Variants in GABRA3 observed in about 807,000 individuals in gnomAD.
GABRA3 encodes gamma-aminobutyric acid receptor subunit alpha-3.
Under a neutral mutation model 30.1 loss-of-function variants are expected in GABRA3, and 10 were observed. That is an observed-to-expected ratio of 0.33 (90% CI 0.20 to 0.56). GABRA3 has a LOEUF of 0.56. Ranked by LOEUF, GABRA3 falls within the 20% of genes least tolerant of loss-of-function variation. The probability of loss-of-function intolerance (pLI) is 0.89; values close to 1 mark genes in which losing one functional copy is unlikely to be tolerated. For synonymous variants in GABRA3, 151 were observed against 146.8 expected (o/e 1.03, Z -0.21); for missense variants, 233 against 392.0 (o/e 0.59, Z 3.42).
intron 6 of GABRA3, among the ~76,000 whole-genome samples, chrX:152,221,933 A>T (rs1299139427): frequency 9.0e-6 from 1 of 111,584 alleles, no homozygotes; most frequent in Non-Finnish European, 1.9e-5. Context: ...ATGTGTTCTC[A>T]TCATTTAGCG....
At chrX:152,247,604 C>T (rs1938479856) in intron 5 of GABRA3, among the ~76,000 whole-genome samples, 1 of 111,524 alleles carries the variant, frequency 9.0e-6, no homozygotes, top group African/African-American at 3.3e-5. Context: ...GAAAACACTT[C>T]ACAGAATGCC....
At chrX:152,359,221 G>C (rs1283445492) in intron 2 of GABRA3, among the ~76,000 whole-genome samples, 1 of 110,978 alleles carries the variant, frequency 9.0e-6, no homozygotes, top group Non-Finnish European at 1.9e-5. Flanking sequence ...TTTTTTTACT[G>C]ATTCAATTTT....
chrX:152,233,152 G>GT (rs758406892), intron 5 of GABRA3, among the ~76,000 whole-genome samples: 9,586 of 107,459 alleles, frequency 0.089, 1,054 homozygotes, highest in East Asian at 0.3. Flanking sequence ...TGATGGGGTT[G>GT]TTTGTTTTTT....
intron 2 of GABRA3, among the ~76,000 whole-genome samples, chrX:152,360,523 A>T (rs2124491536): frequency 1.3e-5 from 1 of 75,982 alleles, no homozygotes; most frequent in South Asian, 8.3e-4. Flanking sequence ...CAGGAAGGGG[A>T]ATATCACACT....
Position 152,167,104 on chromosome X carries a change from C to T in GABRA3, c.*1124G>A, listed in dbSNP as rs1263449151. ...TTTATTTGTATGAATTTCCAATTCACCCCTCATAGAATCGGCATCAACAGA... is the reference window on the plus strand; with the variant it reads ...TTTATTTGTATGAATTTCCAATTCATCCCTCATAGAATCGGCATCAACAGA... On this transcript the variant is annotated 3_prime_UTR_variant, in exon 10 of 10. Coordinates refer to ENST00000370314, the MANE Select transcript of GABRA3 (RefSeq NM_000808.4). 1.8e-5 allele frequency: 2 copies of T among 111,599 alleles called. No individual in the cohort carries two copies. The highest frequency in any genetic ancestry group is 3.8e-5 in the Non-Finnish European group (2 of 53,158). The allele number at this position is 111,599 out of a possible 1,213,427, so 9.2% of individuals were successfully genotyped here. A position where few individuals can be genotyped will look rare whatever the true frequency, so the allele number is the denominator to read the frequency against.
chrX:152,373,569 T>A (rs1333325552), intron 1 of GABRA3, among the ~76,000 whole-genome samples: 3 of 111,887 alleles, frequency 2.7e-5, no homozygotes, highest in Non-Finnish European at 5.6e-5. Flanking sequence ...TTTTTAATAA[T>A]CGCCATTCTG....
chrX:152,287,659 G>T (rs759478543), intron 3 of GABRA3, among the ~76,000 whole-genome samples: 2 of 111,453 alleles, frequency 1.8e-5, no homozygotes, highest in South Asian at 7.6e-4. Flanking sequence ...GTTATGGTGG[G>T]ACTCAAGAGT....
intron 1 of GABRA3, among the ~76,000 whole-genome samples, chrX:152,443,742 A>T (rs746421836): frequency 7.1e-5 from 8 of 111,949 alleles, no homozygotes; most frequent in African/African-American, 2.6e-4. Context: ...ATGTGAGATC[A>T]TTTAGAATTC....
At chrX:152,282,842 A>G (rs996019091) in intron 4 of GABRA3, among the ~76,000 whole-genome samples, 3 of 111,251 alleles carry the variant, frequency 2.7e-5, no homozygotes. Flanking sequence ...TGTGTACCCT[A>G]TATGTATTTG....
At chrX:152,420,194 T>C (rs1009088260) in intron 1 of GABRA3, among the ~76,000 whole-genome samples, 2 of 111,186 alleles carry the variant, frequency 1.8e-5, no homozygotes, top group Non-Finnish European at 3.8e-5. Flanking sequence ...ATGAGAAATT[T>C]CCCCCAAGGT....
chrX:152,206,662 C>T (rs1057117441), intron 7 of GABRA3, among the ~76,000 whole-genome samples: 28 of 111,533 alleles, frequency 2.5e-4, no homozygotes, highest in East Asian at 5.8e-4. Flanking sequence ...TGGCCAGGAG[C>T]GCTCCTGGGA....
intron 9 of GABRA3, among the ~76,000 whole-genome samples, chrX:152,184,622 G>A (rs886104184): frequency 2.7e-5 from 3 of 110,957 alleles, no homozygotes; most frequent in Non-Finnish European, 5.7e-5. Flanking sequence ...TGTATCTAGC[G>A]CTTCCTAACA....
chrX:152,291,916 G>C, intron 3 of GABRA3, among the ~76,000 whole-genome samples: 1 of 111,980 alleles, frequency 8.9e-6, no homozygotes, highest in South Asian at 3.8e-4. Flanking sequence ...GATTCGATTT[G>C]CCAGTATTTT....
At chrX:152,176,294 T>C (rs1275309560) in intron 9 of GABRA3, among the ~76,000 whole-genome samples, 1 of 110,801 alleles carries the variant, frequency 9.0e-6, no homozygotes, top group Non-Finnish European at 1.9e-5. Flanking sequence ...AGCAGAATTT[T>C]TATAATTTAC....
At chrX:152,173,163 C>A (rs1168686414) in intron 9 of GABRA3, among the ~76,000 whole-genome samples, 1 of 109,301 alleles carries the variant, frequency 9.1e-6, no homozygotes, top group African/African-American at 3.3e-5. Flanking sequence ...TTGGAACTGT[C>A]AGGTAAGTCA....
At chrX:152,389,732 TAGA>T (rs1929425805) in intron 1 of GABRA3, among the ~76,000 whole-genome samples, 1 of 111,216 alleles carries the variant, frequency 9.0e-6, no homozygotes, top group Non-Finnish European at 1.9e-5. Context: ...GAAGATGATA[TAGA>T]AGGAGACAAC....
chrX:152,241,876 G>A (rs745408196), intron 5 of GABRA3, among the ~76,000 whole-genome samples: 12 of 111,522 alleles, frequency 1.1e-4, no homozygotes, highest in South Asian at 3.8e-4. Context: ...CACACGGTGC[G>A]CGCACCCACT....
chrX:152,406,000 T>C (rs1929925851), intron 1 of GABRA3, among the ~76,000 whole-genome samples: 1 of 110,069 alleles, frequency 9.1e-6, no homozygotes, highest in Non-Finnish European at 1.9e-5. Flanking sequence ...AGAGGGAAAG[T>C]AACAGGCTTT....
chrX:152,273,433 C>A (rs1322385158), intron 4 of GABRA3, among the ~76,000 whole-genome samples: 1 of 112,220 alleles, frequency 8.9e-6, no homozygotes, highest in Non-Finnish European at 1.9e-5. Context: ...AAATCCACTA[C>A]TGGGTACATA....
Sources: allele counts gnomAD v4.1 joint callset (sites outside exome capture counted in the v4.1 genomes callset), GRCh38; gene constraint gnomAD v4.1.1; transcripts MANE v1.5; gene names NCBI Gene and HGNC (gene_info 2026-07-23, HGNC 2026-07-21).